Variants in CSNK1A1 observed in about 807,000 individuals in gnomAD.
CSNK1A1 encodes the protein casein kinase I isoform alpha.
In CSNK1A1, 7 loss-of-function variants were observed where a neutral mutation model predicts 46.1. The observed-to-expected ratio is 0.15, with a 90% CI of 0.09 to 0.29. CSNK1A1 has a LOEUF of 0.29. CSNK1A1 is among the 10% of genes least tolerant of loss of function. CSNK1A1 has a pLI of 1.00. For missense variants in CSNK1A1, 96 were observed against 417.1 expected (o/e 0.23, Z 6.71); for synonymous variants, 137 against 141.5 (o/e 0.97, Z 0.23).
chr5:149,543,385 T>C (rs1762363187), intron 2 of CSNK1A1, among the ~76,000 whole-genome samples: 2 of 152,174 alleles, frequency 1.3e-5, no homozygotes, highest in Non-Finnish European at 2.9e-5. Context: ...ATTATTACAT[T>C]ATCTCATAAG....
intron 3 of CSNK1A1, among the ~76,000 whole-genome samples, 175 bp downstream of exon 3, chr5:149,524,870 C>T (rs2113126417): frequency 6.6e-6 from 1 of 152,198 alleles, no homozygotes; most frequent in East Asian, 1.9e-4. Context: ...AAGATAATTC[C>T]AGGTTTTGTC....
intron 2 of CSNK1A1, among the ~76,000 whole-genome samples, chr5:149,526,706 G>A (rs1761734703): frequency 6.6e-6 from 1 of 152,050 alleles, no homozygotes; most frequent in Non-Finnish European, 1.5e-5. Context: ...TCTAACTAGT[G>A]GTCCTGGGCA....
At chr5:149,515,915 C>A (rs1761385685) in intron 4 of CSNK1A1, among the ~76,000 whole-genome samples, 1 of 152,220 alleles carries the variant, frequency 6.6e-6, no homozygotes, top group Admixed American at 6.5e-5. Flanking sequence ...TTCAGTGAAT[C>A]AAGCTCCTTT....
Position 149,504,258 on chromosome 5 carries a change from T to G in CSNK1A1, c.1006+1189A>C, listed in dbSNP as rs986919814. On this transcript the variant is annotated intron_variant, in intron 9 of 9. Coordinates refer to ENST00000377843, the MANE Select transcript of CSNK1A1 (RefSeq NM_001892.6). The stretch of plus-strand genomic sequence containing the variant: ...AATACAAAAACATGGAATAGAAGCA[T>G]CTCAACTTCATTCCTAACAGATGAG... 14 of 985,368 alleles carry G rather than the reference T, an allele frequency of 1.4e-5. No homozygotes were observed. In the African/African-American group the frequency reaches 2.4e-4, roughly 17 times the overall value. The allele number at this position is 985,368 out of a possible 1,614,324, so 61.0% of individuals were successfully genotyped here.
chr5:149,516,203 C>G lies in CSNK1A1; in HGVS notation c.457-2994G>C, dbSNP rs150035578. On this transcript the variant is annotated intron_variant, in intron 4 of 9. Coordinates refer to ENST00000377843, the MANE Select transcript of CSNK1A1 (RefSeq NM_001892.6). ...GGCATGGTGGCGCATACCTGTAATC[C>G]CAGCTATTCGGGAGGCTGAGACAGA... Among the ~76,000 whole-genome samples, 39 of 152,130 alleles carry G rather than the reference C, an allele frequency of 2.6e-4. No individual in the cohort carries two copies. The East Asian group carries it at 7.4e-3, about 29-fold the overall frequency.
Position 149,550,747 on chromosome 5 carries a change from T to C in CSNK1A1, c.123+95A>G. On this transcript the variant is annotated intron_variant, in intron 1 of 9. Transcript: ENST00000377843. This position sits in a 1 kb window ranked among gnomAD's most constrained non-coding sequence, Gnocchi z 4.3. Reference sequence around the variant, plus strand: ...TGGACTCCCTGGCGAGTGCGTGCGATGAGGAGAGGCCCGAGCACTTTGGGG... The same window carrying C: ...TGGACTCCCTGGCGAGTGCGTGCGACGAGGAGAGGCCCGAGCACTTTGGGG... 2 of 1,544,866 alleles carry C rather than the reference T, an allele frequency of 1.3e-6. No individual in the cohort carries two copies. Among genetic ancestry groups the C allele is most frequent in the Non-Finnish European group, 1.8e-6 (2 of 1,135,424 alleles).
rs1761544852 is a variant in CSNK1A1 at position 149,520,831 on chromosome 5, T to C, written c.358-443A>G. On this transcript the variant is annotated intron_variant, in intron 3 of 9. Coordinates refer to ENST00000377843, the MANE Select transcript of CSNK1A1 (RefSeq NM_001892.6). ...AGATATACATATGCACACAAACAGA[T>C]ACACATATACTTGGGAGTGGAGGAT... Among the ~76,000 whole-genome samples the C allele has an allele frequency of 2.6e-5, 4 of 152,324 alleles. No individual in the cohort carries two copies. In the South Asian group the frequency reaches 8.3e-4, roughly 32 times the overall value.
intron 9 of CSNK1A1, chr5:149,498,633 G>C (rs188132904): frequency 1.0e-6 from 1 of 985,226 alleles, no homozygotes; most frequent in Non-Finnish European, 1.2e-6. Flanking sequence ...CCCCCATCAG[G>C]ATTTGGTTTC....
At chr5:149,497,648 C>G (rs942235543) in intron 9 of CSNK1A1, 1 of 985,318 alleles carries the variant, frequency 1.0e-6, no homozygotes, top group Non-Finnish European at 1.2e-6. Context: ...CAGCAATAGC[C>G]TGAAAATCTC....
At chr5:149,498,891 T>C in intron 9 of CSNK1A1, 1 of 985,448 alleles carries the variant, frequency 1.0e-6, no homozygotes, top group Non-Finnish European at 1.2e-6. Flanking sequence ...AATGTATCTG[T>C]ACATCTTTTG....
At chr5:149,545,822 C>A in intron 2 of CSNK1A1, 1 of 446,362 alleles carries the variant, frequency 2.2e-6, no homozygotes, top group Non-Finnish European at 4.1e-6. Context: ...AGCCGCGGCT[C>A]TCCAAGTGCC....
chr5:149,509,004 T>C (rs991492539), intron 7 of CSNK1A1, among the ~76,000 whole-genome samples: 25 of 152,326 alleles, frequency 1.6e-4, no homozygotes, highest in Non-Finnish European at 3.1e-4. Flanking sequence ...CTTGGCTCAC[T>C]GCAGCCTCGA....
intron 9 of CSNK1A1, chr5:149,504,116 C>T (rs1760955197): frequency 3.0e-6 from 3 of 985,202 alleles, no homozygotes; most frequent in Non-Finnish European, 3.6e-6. Context: ...AGCAACTATC[C>T]CAACTGAGAT....
chr5:149,549,971 T>TA (rs2113213334), intron 2 of CSNK1A1, 104 bp downstream of exon 2: 2 of 1,402,266 alleles, frequency 1.4e-6, no homozygotes, highest in African/African-American at 1.4e-5. Flanking sequence ...CCCAGGTAAC[T>TA]AAAACACCAA....
At chr5:149,528,155 T>C (rs1338181846) in intron 2 of CSNK1A1, among the ~76,000 whole-genome samples, 1 of 152,114 alleles carries the variant, frequency 6.6e-6, no homozygotes, top group Non-Finnish European at 1.5e-5. Flanking sequence ...GAAGCACACT[T>C]AAAACACACA....
At chr5:149,498,430 G>T in intron 9 of CSNK1A1, 1 of 985,338 alleles carries the variant, frequency 1.0e-6, no homozygotes, top group Non-Finnish European at 1.2e-6. Flanking sequence ...TTTAAAGGTT[G>T]TCAAACCAAA....
chr5:149,515,981 A>G (rs1761387660), intron 4 of CSNK1A1, among the ~76,000 whole-genome samples: 1 of 152,226 alleles, frequency 6.6e-6, no homozygotes, highest in African/African-American at 2.4e-5. Context: ...CATTTTAAAC[A>G]ATGCAGCCTA....
At chr5:149,505,375 T>C (rs1041702829) in intron 9 of CSNK1A1, 72 bp downstream of exon 9, 1 of 1,558,238 alleles carries the variant, frequency 6.4e-7, no homozygotes, top group East Asian at 2.3e-5. Context: ...GATCTAACAC[T>C]GTTAGAAATG....
At chr5:149,515,818 A>G (rs1331837488) in intron 4 of CSNK1A1, among the ~76,000 whole-genome samples, 3 of 152,238 alleles carry the variant, frequency 2.0e-5, no homozygotes, top group Non-Finnish European at 4.4e-5. Flanking sequence ...TAAAGGCAGA[A>G]CCAAATGAGG....
Sources: allele counts gnomAD v4.1 joint callset (sites outside exome capture counted in the v4.1 genomes callset), GRCh38; gene constraint gnomAD v4.1.1; non-coding constraint Gnocchi (gnomAD v3.1); transcripts MANE v1.5; gene names NCBI Gene and HGNC (gene_info 2026-07-23, HGNC 2026-07-21).